The following TRIM5 variants were observed in gnomAD, a reference collection of about 807,000 sequenced individuals.
TRIM5 encodes tripartite motif-containing protein 5.
A neutral mutation model predicts 35.6 loss-of-function variants in TRIM5; 31 were observed. The ratio of observed to expected loss-of-function variants is 0.87; its 90% CI spans 0.65 to 1.18. The LOEUF is 1.18. Ranked by LOEUF, TRIM5 falls within the 50% of genes most tolerant of loss-of-function variation. TRIM5 has a pLI of 0.00. For synonymous variants in TRIM5, 243 were observed against 215.6 expected (o/e 1.13, Z -1.11); for missense variants, 609 against 591.6 (o/e 1.03, Z -0.31).
At chr11:5,632,603 G>C in the TRIM5 span, 1 of 1,613,472 alleles carries the variant, frequency 6.2e-7, no homozygotes, top group Non-Finnish European at 8.5e-7. Context: ...CCAGACAATG[G>C]GAAGAAGAGA....
the TRIM5 span, chr11:5,603,568 T>C: frequency 6.2e-7 from 1 of 1,613,710 alleles, no homozygotes; most frequent in African/African-American, 1.3e-5. Flanking sequence ...AGAGGTAGTG[T>C]TGGGCCCTGG....
chr11:5,665,091 C>T lies in TRIM5; in HGVS notation c.1200G>A (p.Trp400Ter), dbSNP rs1851025512. The stretch of plus-strand genomic sequence containing the variant: ...TAACTCCTTCCTCTAACCCTATAAC[C>T]CAGTAGCCGTATTTAGGTTGATAAT... Reference protein sequence around the residue: ...NENYQPKYGYWVIGLEEGVKC... With the variant: ...NENYQPKYGY The change falls in exon 8 of 8, where the codon TGG (tryptophan) becomes TGA (stop). Residue 400 changes from tryptophan (W) to a stop codon, truncating the protein, a stop_gained. Transcript: ENST00000380034. LOFTEE classifies it low-confidence loss of function (END_TRUNC). The T allele has an allele frequency of 1.9e-6, 3 of 1,614,064 alleles. No homozygotes were observed. Among genetic ancestry groups the T allele is most frequent in the Non-Finnish European group, 2.5e-6 (3 of 1,180,018 alleles).
At chr11:5,638,432 AAC>A in the TRIM5 span, among the ~76,000 whole-genome samples, 1 of 152,258 alleles carries the variant, frequency 6.6e-6, no homozygotes, top group African/African-American at 2.4e-5. Context: ...GTTGTTGAAC[AAC>A]AAAACTATGC....
the TRIM5 span, among the ~76,000 whole-genome samples, chr11:5,599,897 A>C: frequency 6.6e-6 from 1 of 152,118 alleles, no homozygotes; most frequent in Non-Finnish European, 1.5e-5. Flanking sequence ...TAGAGCCTCT[A>C]TTGCCTCTAG....
the TRIM5 span, among the ~76,000 whole-genome samples, chr11:5,608,728 C>T: frequency 2.6e-5 from 4 of 151,892 alleles, no homozygotes; most frequent in Admixed American, 6.6e-5. Context: ...GTTGCAGTAT[C>T]AGTGACTCCC....
chr11:5,623,436 C>T, the TRIM5 span, among the ~76,000 whole-genome samples: 1 of 151,760 alleles, frequency 6.6e-6, no homozygotes, highest in Non-Finnish European at 1.5e-5. Flanking sequence ...GGTGCGATCT[C>T]GGCTCACTGC....
the TRIM5 span, among the ~76,000 whole-genome samples, chr11:5,657,937 TAA>T: frequency 1.3e-5 from 2 of 150,892 alleles, no homozygotes; most frequent in Non-Finnish European, 2.9e-5. Context: ...TTTAGAAAAA[TAA>T]GTTTATTTTT....
the TRIM5 span, among the ~76,000 whole-genome samples, chr11:5,652,965 G>A: frequency 6.6e-6 from 1 of 151,016 alleles, no homozygotes; most frequent in Non-Finnish European, 1.5e-5. Context: ...CCATTCTCCT[G>A]CCTCAGCCTC....
chr11:5,678,539 T>C (rs1852172599), intron 3 of TRIM5, 105 bp from the exon 4 acceptor site: 3 of 860,374 alleles, frequency 3.5e-6, no homozygotes, highest in Non-Finnish European at 3.6e-6. Flanking sequence ...GGAGGGGACA[T>C]AGTAGCAGGA....
At chr11:5,679,656 G>A (rs1852274483) in intron 2 of TRIM5, 105 bp downstream of exon 2, 5 of 1,232,608 alleles carry the variant, frequency 4.1e-6, no homozygotes, top group Non-Finnish European at 5.6e-6. Flanking sequence ...AATAATCCCG[G>A]GTCTCAGGTC....
the TRIM5 span, among the ~76,000 whole-genome samples, chr11:5,644,755 T>C: frequency 6.6e-6 from 1 of 152,168 alleles, no homozygotes; most frequent in African/African-American, 2.4e-5. Flanking sequence ...CAATACAATA[T>C]TAACTAGAAT....
At chr11:5,636,456 C>T in the TRIM5 span, among the ~76,000 whole-genome samples, 5 of 152,178 alleles carry the variant, frequency 3.3e-5, no homozygotes, top group East Asian at 9.6e-4. Context: ...GGTTGCACTA[C>T]ATCGTGAATA....
At chr11:5,596,919 G>A in the TRIM5 span, 5 of 1,614,128 alleles carry the variant, frequency 3.1e-6, no homozygotes, top group Non-Finnish European at 4.2e-6. Context: ...AGAGAGGTAT[G>A]TCTACCGTTC....
At chr11:5,596,652 A>G in the TRIM5 span, 2 of 497,024 alleles carry the variant, frequency 4.0e-6, no homozygotes, top group South Asian at 2.5e-5. Context: ...GAGTTGGGAG[A>G]TGAGCCTTCC....
At chr11:5,648,059 T>G in the TRIM5 span, among the ~76,000 whole-genome samples, 1 of 152,162 alleles carries the variant, frequency 6.6e-6, no homozygotes, top group African/African-American at 2.4e-5. Context: ...TTTCCTGTCC[T>G]GGGAGATGTT....
In TRIM5 at chr11:5,664,792, TGAGTGTGTAAGAAGGTTCAA is replaced by T; in HGVS notation, c.1479_*16del. ...ACAAGAGGTGCTGTACAGAAGGGGC[TGAGTGTGTAAGAAGGTTCAA>T]GAGCTTGGTGAGCACAGAGTCATGG... On this transcript the variant is annotated stop_lost and 3_prime_UTR_variant, in exon 8 of 8. Coordinates refer to ENST00000380034, the MANE Select transcript of TRIM5 (RefSeq NM_033034.3). 8 of 1,566,974 alleles carry T rather than the reference TGAGTGTGTAAGAAGGTTCAA, an allele frequency of 5.1e-6. No individual in the cohort carries two copies. The highest frequency in any genetic ancestry group is 6.9e-6 in the Non-Finnish European group (8 of 1,161,016).
At chr11:5,667,249 C>G (rs2134031781) in intron 5 of TRIM5, among the ~76,000 whole-genome samples, 1 of 152,140 alleles carries the variant, frequency 6.6e-6, no homozygotes, top group African/African-American at 2.4e-5. Context: ...CTTTGTCGCC[C>G]AGACTGGAGT....
chr11:5,623,031 A>G, the TRIM5 span, among the ~76,000 whole-genome samples: 1 of 152,094 alleles, frequency 6.6e-6, no homozygotes, highest in Non-Finnish European at 1.5e-5. Flanking sequence ...GCATTAAGCA[A>G]TAGGGCAAAG....
chr11:5,642,401 C>G, the TRIM5 span: 1 of 1,611,146 alleles, frequency 6.2e-7, no homozygotes, highest in East Asian at 2.2e-5. Context: ...TTTTTTCATC[C>G]CTAGGAGTGA....
Sources: gnomAD v4.1 joint callset for allele counts (sites outside exome capture counted in the v4.1 genomes callset) on GRCh38, gnomAD v4.1.1 for gene constraint, MANE v1.5 for transcripts, NCBI Gene and HGNC (gene_info 2026-07-23, HGNC 2026-07-21) for gene names.